The following PCDHA8 variants were observed in gnomAD, a reference collection of about 807,000 sequenced individuals.
The protein encoded by PCDHA8 is protocadherin alpha-8.
In PCDHA8, 53 loss-of-function variants were observed where a neutral mutation model predicts 61.8. The observed-to-expected ratio is 0.86, with a 90% CI of 0.69 to 1.08. PCDHA8 has a LOEUF of 1.08. PCDHA8 is among the 50% of genes least tolerant of loss of function. PCDHA8 has a pLI of 0.00. For missense variants in PCDHA8, 1,293 were observed against 1,245.0 expected, an observed-to-expected ratio of 1.04 and a Z score of -0.58; for synonymous variants, 618 against 556.6, an observed-to-expected ratio of 1.11 and a Z score of -1.55.
intron 1 of PCDHA8, among the ~76,000 whole-genome samples, chr5:140,897,061 T>C (rs1554187169): frequency 6.6e-6 from 1 of 152,134 alleles, no homozygotes; most frequent in Admixed American, 6.6e-5. Context: ...TCAAATACTA[T>C]GTCTTATTCA....
intron 3 of PCDHA8, among the ~76,000 whole-genome samples, chr5:141,000,248 C>T (rs1027764843): frequency 2.6e-5 from 4 of 151,280 alleles, no homozygotes; most frequent in Non-Finnish European, 4.4e-5. Context: ...GTGGCTGACA[C>T]CTGTGATCCT....
chr5:140,863,376 C>T (rs781824830), intron 1 of PCDHA8: 2 of 1,123,242 alleles, frequency 1.8e-6, no homozygotes, highest in South Asian at 1.2e-5. Context: ...CGCAGCTCAC[C>T]GAGAGCTCGT....
chr5:140,874,534 CA>C (rs782798422), intron 1 of PCDHA8, among the ~76,000 whole-genome samples: 5 of 152,202 alleles, frequency 3.3e-5, no homozygotes, highest in Non-Finnish European at 5.9e-5. Flanking sequence ...GATTAGGCTC[CA>C]AAACCCTTTA....
intron 1 of PCDHA8, chr5:140,862,573 G>A (rs1252034022): frequency 4.1e-6 from 2 of 484,618 alleles, no homozygotes; most frequent in East Asian, 1.1e-4. Context: ...CAATGCCCTG[G>A]CGTTCCAGCA....
intron 1 of PCDHA8, chr5:140,926,622 G>A: frequency 2.5e-6 from 1 of 396,424 alleles, no homozygotes. Context: ...CCCCTAGGCG[G>A]CGCTGCGCTC....
intron 1 of PCDHA8, among the ~76,000 whole-genome samples, chr5:140,903,353 G>C (rs782739410): frequency 6.6e-5 from 10 of 152,156 alleles, no homozygotes; most frequent in Non-Finnish European, 1.3e-4. Context: ...TAAAAAACAA[G>C]TTTTTCAAAA....
At chr5:140,914,248 G>T (rs1228200797) in intron 1 of PCDHA8, among the ~76,000 whole-genome samples, 1 of 151,850 alleles carries the variant, frequency 6.6e-6, no homozygotes, top group Non-Finnish European at 1.5e-5. Flanking sequence ...TTTATATCTG[G>T]GTGCTTCAAT....
intron 1 of PCDHA8, chr5:140,865,929 A>G (rs2049057617): frequency 6.6e-6 from 1 of 152,198 alleles, no homozygotes; most frequent in South Asian, 2.1e-4. Flanking sequence ...TGCTTAGAAG[A>G]AACTTCATGA....
chr5:140,945,455 A>G (rs2093793181), intron 1 of PCDHA8, among the ~76,000 whole-genome samples: 1 of 152,192 alleles, frequency 6.6e-6, no homozygotes, highest in African/African-American at 2.4e-5. Flanking sequence ...AACTTCCCTA[A>G]AATTTGCATG....
chr5:140,851,814 CAG>C, intron 1 of PCDHA8: 1 of 954,570 alleles, frequency 1.0e-6, no homozygotes, highest in Non-Finnish European at 1.3e-6. Flanking sequence ...ATCCATAAGA[CAG>C]AAATCTGTTT....
chr5:140,865,358 A>G (rs935527495), intron 1 of PCDHA8: 2 of 152,230 alleles, frequency 1.3e-5, no homozygotes, highest in Non-Finnish European at 2.9e-5. Flanking sequence ...TACATATTGC[A>G]GGATAACCAT....
intron 2 of PCDHA8, 158 bp downstream of exon 2, chr5:140,979,165 A>G (rs1586797430): frequency 1.0e-6 from 1 of 970,900 alleles, no homozygotes; most frequent in South Asian, 4.8e-5. Flanking sequence ...TTATTCCTTG[A>G]AAGATCGCAA....
At chr5:140,903,202 C>T (rs1322362050) in intron 1 of PCDHA8, among the ~76,000 whole-genome samples, 4 of 152,184 alleles carry the variant, frequency 2.6e-5, no homozygotes, top group Admixed American at 2.0e-4. Context: ...GTGTCCTTTT[C>T]ACCACATTCA....
At chr5:140,856,763 C>G (rs1004781576) in intron 1 of PCDHA8, 3 of 1,596,086 alleles carry the variant, frequency 1.9e-6, no homozygotes, top group Admixed American at 1.7e-5. Flanking sequence ...TGATAACGCC[C>G]CTATCTTTGA....
At chr5:140,873,064 T>A (rs1554166548) in intron 1 of PCDHA8, among the ~76,000 whole-genome samples, 1 of 152,186 alleles carries the variant, frequency 6.6e-6, no homozygotes, top group Non-Finnish European at 1.5e-5. Context: ...TTCTTGAGAA[T>A]CATATCTAGC....
At chr5:140,876,274 G>C (rs1554168448) in intron 1 of PCDHA8, 8 of 1,613,990 alleles carry the variant, frequency 5.0e-6, no homozygotes, top group Non-Finnish European at 6.8e-6. Context: ...AAATGCTTCC[G>C]ATCCAGACGA....
intron 1 of PCDHA8, among the ~76,000 whole-genome samples, chr5:140,899,982 A>AT (rs1290251020): frequency 2.0e-5 from 3 of 150,600 alleles, no homozygotes; most frequent in African/African-American, 4.9e-5. Context: ...TACTTTTTTG[A>AT]TTTTTTTTGT....
intron 1 of PCDHA8, among the ~76,000 whole-genome samples, chr5:140,952,159 G>T (rs1226707673): frequency 2.0e-5 from 3 of 152,056 alleles, no homozygotes; most frequent in African/African-American, 7.2e-5. Context: ...TGGCTTTGTG[G>T]GGTTCAGTTC....
At chr5:140,875,182 A>T in intron 1 of PCDHA8, 1 of 450,902 alleles carries the variant, frequency 2.2e-6, no homozygotes. Context: ...CATTAGAATT[A>T]AGAGTGACCC....
Sources: gnomAD v4.1 joint callset for allele counts (sites outside exome capture counted in the v4.1 genomes callset) on GRCh38, gnomAD v4.1.1 for gene constraint, MANE v1.5 for transcripts, NCBI Gene and HGNC (gene_info 2026-07-23, HGNC 2026-07-21) for gene names.